ETV6: variants seen among roughly 807,000 people sequenced by gnomAD.
The protein encoded by ETV6 is transcription factor ETV6.
A neutral mutation model predicts 51.1 loss-of-function variants in ETV6; 16 were observed. The observed-to-expected ratio is 0.31, with a 90% CI of 0.21 to 0.48. The LOEUF (loss-of-function observed/expected upper bound fraction) is 0.48. Ranked by LOEUF, ETV6 falls within the 20% of genes least tolerant of loss-of-function variation. The pLI, the probability that ETV6 is intolerant of heterozygous loss-of-function variation, is 0.99. For missense variants in ETV6, 458 were observed against 594.8 expected, an observed-to-expected ratio of 0.77 and a Z score of 2.39; for synonymous variants, 240 against 224.1, an observed-to-expected ratio of 1.07 and a Z score of -0.64.
At chr12:11,808,268 A>T (rs936155591) in intron 2 of ETV6, among the ~76,000 whole-genome samples, 23 of 152,174 alleles carry the variant, frequency 1.5e-4, no homozygotes, top group African/African-American at 2.2e-4. Context: ...TGTGAATTTC[A>T]TATTTTTCTT....
intron 1 of ETV6, among the ~76,000 whole-genome samples, chr12:11,734,919 G>A (rs1865673988): frequency 6.6e-6 from 1 of 152,084 alleles, no homozygotes; most frequent in Admixed American, 6.6e-5. Flanking sequence ...AAAGGAAAAC[G>A]TGGTCCCTAA....
At chr12:11,695,716 CTTCTCCACTCT>C (rs1268779476) in intron 1 of ETV6, among the ~76,000 whole-genome samples, 2 of 152,240 alleles carry the variant, frequency 1.3e-5, no homozygotes, top group African/African-American at 2.4e-5. Context: ...CAGGCGCCTC[CTTCTCCACTCT>C]TTCTCCAGTG....
chr12:11,784,860 T>TA (rs1166579157), intron 2 of ETV6, among the ~76,000 whole-genome samples: 1 of 103,774 alleles, frequency 9.6e-6, no homozygotes, highest in Non-Finnish European at 2.0e-5. Context: ...CGTGCCTTGC[T>TA]AATTTTTTTT....
At chr12:11,693,282 A>G (rs1415647712) in intron 1 of ETV6, among the ~76,000 whole-genome samples, 1 of 152,142 alleles carries the variant, frequency 6.6e-6, no homozygotes, top group Non-Finnish European at 1.5e-5. Flanking sequence ...TTTGACTGTA[A>G]CATGCAGCGT....
intron 5 of ETV6, among the ~76,000 whole-genome samples, chr12:11,882,421 G>A (rs1050306772): frequency 6.6e-6 from 1 of 152,148 alleles, no homozygotes; most frequent in Non-Finnish European, 1.5e-5. Flanking sequence ...TTGGGGTCAT[G>A]CACAGCCAAG....
At position 11,784,612 on chromosome 12, in the gene ETV6, C is replaced by T. The variant is rs117790602; in HGVS notation, c.163+32033C>T. ...AAGGAACGCGAGGAAGCAAATGTGT[C>T]TAAAGTGATTGGCAAGTGAGGAAGA... On this transcript the variant is annotated intron_variant, in intron 2 of 7. Transcript: ENST00000396373. Among the ~76,000 whole-genome samples, 588 of 152,260 alleles carry T rather than the reference C, an allele frequency of 3.9e-3. 10 individuals carry two copies. Among genetic ancestry groups the T allele is most frequent in the East Asian group, 0.035 (182 of 5,192 alleles).
intron 2 of ETV6, among the ~76,000 whole-genome samples, chr12:11,819,192 G>T (rs907869969): frequency 2.0e-5 from 3 of 151,982 alleles, no homozygotes; most frequent in African/African-American, 7.3e-5. Flanking sequence ...TCCCATTAGC[G>T]CCTCAACCCT....
chr12:11,713,230 A>G (rs1344616055), intron 1 of ETV6, among the ~76,000 whole-genome samples: 1 of 152,208 alleles, frequency 6.6e-6, no homozygotes. Flanking sequence ...TAAAATGAGG[A>G]TAATGATATT....
intron 3 of ETV6, among the ~76,000 whole-genome samples, chr12:11,850,396 G>T (rs1373850554): frequency 1.3e-5 from 2 of 152,092 alleles, no homozygotes; most frequent in African/African-American, 4.8e-5. Flanking sequence ...AGTGGCCTCA[G>T]TTAACCTTCT....
intron 1 of ETV6, among the ~76,000 whole-genome samples, chr12:11,693,722 C>G (rs1178954590): frequency 6.6e-6 from 1 of 152,168 alleles, no homozygotes; most frequent in African/African-American, 2.4e-5. Flanking sequence ...AGTGCTTTCC[C>G]TGCACTATCT....
At chr12:11,737,152 G>C (rs1865716487) in intron 1 of ETV6, among the ~76,000 whole-genome samples, 1 of 152,174 alleles carries the variant, frequency 6.6e-6, no homozygotes, top group African/African-American at 2.4e-5. Context: ...TAAGAAACAA[G>C]GGATTGTGAA....
At chr12:11,714,649 GAAAAA>G (rs10709538) in intron 1 of ETV6, among the ~76,000 whole-genome samples, 2 of 87,086 alleles carry the variant, frequency 2.3e-5, no homozygotes, top group African/African-American at 9.7e-5. Context: ...ACCTTGAGGT[GAAAAA>G]AAAAAAAAAA....
At chr12:11,740,115 A>G (rs1051053569) in intron 1 of ETV6, among the ~76,000 whole-genome samples, 1 of 152,230 alleles carries the variant, frequency 6.6e-6, no homozygotes, top group Non-Finnish European at 1.5e-5. Context: ...ACAAAAAACT[A>G]CATTCGTGCG....
intron 1 of ETV6, among the ~76,000 whole-genome samples, chr12:11,702,782 C>T (rs558515514): frequency 1.3e-5 from 2 of 152,264 alleles, no homozygotes; most frequent in Admixed American, 6.5e-5. Context: ...TGAGCGATTA[C>T]TTTGGAAAAT....
At chr12:11,766,540 G>T (rs923263707) in intron 2 of ETV6, among the ~76,000 whole-genome samples, 2 of 151,642 alleles carry the variant, frequency 1.3e-5, no homozygotes, top group African/African-American at 4.9e-5. Context: ...TCCCACCCCC[G>T]CCATTAGCTG....
At chr12:11,718,540 C>T (rs7313049) in intron 1 of ETV6, among the ~76,000 whole-genome samples, 2,025 of 149,724 alleles carry the variant, frequency 0.014, 47 homozygotes, top group African/African-American at 0.047. Flanking sequence ...ACGAGGCAGG[C>T]GGATCGCTTG....
chr12:11,678,784 A>G lies in ETV6; in HGVS notation c.33+28624A>G, dbSNP rs74062366. On this transcript the variant is annotated intron_variant, in intron 1 of 7. Coordinates refer to ENST00000396373, the MANE Select transcript of ETV6 (RefSeq NM_001987.5). Reference sequence around the variant, plus strand: ...AAAGGCCTGAGAACCAGGGGAATTGATGGTATAAATATATCCCAGTTTGGG... The same window carrying G: ...AAAGGCCTGAGAACCAGGGGAATTGGTGGTATAAATATATCCCAGTTTGGG... Among the ~76,000 whole-genome samples, 963 of 152,334 alleles carry G rather than the reference A, an allele frequency of 6.3e-3. 8 individuals are homozygous for G. Among genetic ancestry groups the G allele is most frequent in the African/African-American group, 0.022 (913 of 41,572 alleles).
chr12:11,841,243 C>T (rs1946386648), intron 3 of ETV6, among the ~76,000 whole-genome samples: 1 of 152,196 alleles, frequency 6.6e-6, no homozygotes, highest in Admixed American at 6.5e-5. Context: ...TTCCTTGCCA[C>T]TTTGTCGAGT....
At chr12:11,768,049 A>G (rs1357190085) in intron 2 of ETV6, among the ~76,000 whole-genome samples, 1 of 152,004 alleles carries the variant, frequency 6.6e-6, no homozygotes, top group Non-Finnish European at 1.5e-5. Context: ...CATTTAAGCC[A>G]TTCCCGTTAT....
Sources: gnomAD v4.1 joint callset for allele counts (sites outside exome capture counted in the v4.1 genomes callset) on GRCh38, gnomAD v4.1.1 for gene constraint, MANE v1.5 for transcripts, NCBI Gene and HGNC (gene_info 2026-07-23, HGNC 2026-07-21) for gene names.